CCDC150: variants seen among roughly 807,000 people sequenced by gnomAD.
CCDC150 encodes the protein coiled-coil domain-containing protein 150.
Under a neutral mutation model 156.5 loss-of-function variants are expected in CCDC150, and 151 were observed. That is an observed-to-expected ratio of 0.97 (90% CI 0.85 to 1.10). The LOEUF is 1.10. Among genes scored for constraint, CCDC150 ranks in the 50% least tolerant of loss-of-function variants. CCDC150 has a pLI of 0.00. For synonymous variants in CCDC150, 452 were observed against 429.4 expected (o/e 1.05, Z -0.65); for missense variants, 1,312 against 1,268.1 (o/e 1.03, Z -0.53).
chr2:196,696,372 C>T (rs755413741), intron 14 of CCDC150, among the ~76,000 whole-genome samples: 21 of 152,140 alleles, frequency 1.4e-4, no homozygotes, highest in South Asian at 4.1e-4. Flanking sequence ...TTCAGACCAA[C>T]CCTCTCTCTC....
At chr2:196,690,531 A>G (rs1201365411) in intron 13 of CCDC150, among the ~76,000 whole-genome samples, 1 of 152,098 alleles carries the variant, frequency 6.6e-6, no homozygotes, top group Non-Finnish European at 1.5e-5. Context: ...ATGGAAAGCT[A>G]AGACCTGTGC....
intron 1 of CCDC150, among the ~76,000 whole-genome samples, 178 bp from the exon 2 acceptor site, chr2:196,646,163 T>C (rs1416875686): frequency 1.3e-5 from 2 of 152,172 alleles, no homozygotes; most frequent in South Asian, 2.1e-4. Flanking sequence ...AAGAGAGAGA[T>C]GGTGAAGAAC....
At chr2:196,704,201 A>G (rs1696432583) in intron 15 of CCDC150, among the ~76,000 whole-genome samples, 6 of 152,252 alleles carry the variant, frequency 3.9e-5, no homozygotes, top group Admixed American at 3.9e-4. Context: ...AATGATATAA[A>G]TACTGGATTT....
intron 18 of CCDC150, among the ~76,000 whole-genome samples, chr2:196,718,899 C>T (rs1167921804): frequency 6.6e-6 from 1 of 151,980 alleles, no homozygotes; most frequent in African/African-American, 2.4e-5. Flanking sequence ...TTTTGAAACA[C>T]ATCTGATCTT....
chr2:196,647,141 A>G (rs1379494258), intron 2 of CCDC150, among the ~76,000 whole-genome samples: 2 of 152,112 alleles, frequency 1.3e-5, no homozygotes, highest in African/African-American at 2.4e-5. Context: ...TATAGTTGGT[A>G]TAATACCCAT....
chr2:196,710,528 A>G (rs1697036937), intron 15 of CCDC150, among the ~76,000 whole-genome samples: 1 of 152,160 alleles, frequency 6.6e-6, no homozygotes, highest in Non-Finnish European at 1.5e-5. Flanking sequence ...AACCAGTCCC[A>G]ATGAGATGAA....
chr2:196,721,384 G>T (rs1016600621), intron 20 of CCDC150, 138 bp from the exon 21 acceptor site: 1 of 245,994 alleles, frequency 4.1e-6, no homozygotes, highest in African/African-American at 7.0e-5. Context: ...CAGGCAGCTG[G>T]AATCTTTGCT....
rs111669886 is a variant in CCDC150, at chr2:196,699,184, A to G, written c.1624-1925A>G. ...TTTTGCTCAGGTTATTTTGAAACCA[A>G]TACTCTACTGGTCTAAATGCTTTTT... On this transcript the variant is annotated intron_variant, in intron 14 of 27. Transcript: ENST00000389175. 3.2e-4 allele frequency among the ~76,000 whole-genome samples: 49 copies of G among 152,340 alleles called. No homozygotes were observed. The South Asian group carries it at 3.3e-3, about 10-fold the overall frequency.
chr2:196,672,539 C>A, intron 9 of CCDC150, 102 bp downstream of exon 9: 2 of 530,816 alleles, frequency 3.8e-6, no homozygotes, highest in Non-Finnish European at 6.4e-6. Flanking sequence ...TTCATACCAT[C>A]TCCATCACCC....
chr2:196,699,014 G>A (rs1382304825), intron 14 of CCDC150, among the ~76,000 whole-genome samples: 2 of 152,164 alleles, frequency 1.3e-5, no homozygotes, highest in South Asian at 2.1e-4. Context: ...TACATTCATG[G>A]AATGATTTTG....
At chr2:196,718,722 A>G in intron 18 of CCDC150, 91 bp downstream of exon 18, 12 of 1,495,802 alleles carry the variant, frequency 8.0e-6, no homozygotes, top group East Asian at 2.3e-5. Flanking sequence ...TCTTGCTTCC[A>G]TTAGAATAAG....
At chr2:196,650,428 C>T (rs917927719) in intron 2 of CCDC150, among the ~76,000 whole-genome samples, 2 of 152,174 alleles carry the variant, frequency 1.3e-5, no homozygotes, top group Non-Finnish European at 2.9e-5. Flanking sequence ...GAGTCTTGCT[C>T]TGTCTCCCAG....
chr2:196,729,499 G>A (rs761789288), intron 23 of CCDC150, 112 bp downstream of exon 23: 7 of 1,008,092 alleles, frequency 6.9e-6, no homozygotes, highest in Non-Finnish European at 1.1e-5. Context: ...GTATTCTCTG[G>A]GAATTATAGC....
At chr2:196,678,486 C>G (rs115448802) in intron 13 of CCDC150, among the ~76,000 whole-genome samples, 155 of 152,332 alleles carry the variant, frequency 1.0e-3, no homozygotes, top group African/African-American at 3.6e-3. Context: ...TAAAAATCCT[C>G]AAATGAGGCT....
intron 15 of CCDC150, among the ~76,000 whole-genome samples, chr2:196,708,276 C>G (rs774195882): frequency 6.2e-4 from 94 of 152,216 alleles, no homozygotes; most frequent in Admixed American, 2.2e-3. Context: ...TTCTTTGTCT[C>G]TTTTGATCTT....
At chr2:196,731,681 G>A (rs1037976076) in intron 26 of CCDC150, among the ~76,000 whole-genome samples, 1 of 151,912 alleles carries the variant, frequency 6.6e-6, no homozygotes, top group African/African-American at 2.4e-5. Flanking sequence ...CACCACACCT[G>A]GCCCATGAAC....
At chr2:196,677,942 A>G (rs1002207990) in intron 13 of CCDC150, among the ~76,000 whole-genome samples, 2 of 152,038 alleles carry the variant, frequency 1.3e-5, no homozygotes, top group African/African-American at 4.8e-5. Context: ...GTGAGCAGAG[A>G]TTGCACCACT....
At chr2:196,647,528 C>T (rs1692619626) in intron 2 of CCDC150, among the ~76,000 whole-genome samples, 1 of 151,986 alleles carries the variant, frequency 6.6e-6, no homozygotes, top group South Asian at 2.1e-4. Flanking sequence ...CACACATTGG[C>T]CTCATCTTTA....
rs552461129 is a variant in CCDC150 at position 196,710,525 on chromosome 2, C to T, written c.1696-1620C>T. Among the ~76,000 whole-genome samples, 98 of 152,308 alleles carry T rather than the reference C, an allele frequency of 6.4e-4. 1 individual carries two copies. The highest frequency in any genetic ancestry group is 2.3e-3 in the African/African-American group (95 of 41,550). On this transcript the variant is annotated intron_variant, in intron 15 of 27. Coordinates refer to ENST00000389175, the MANE Select transcript of CCDC150 (RefSeq NM_001080539.2). ...GGGCTGCACCCACTGTCCAACCAGT[C>T]CCAATGAGATGAACCAGGTACCTCT... is the stretch of plus-strand genomic sequence containing the variant.
Sources: allele counts gnomAD v4.1 joint callset (sites outside exome capture counted in the v4.1 genomes callset), GRCh38; gene constraint gnomAD v4.1.1; transcripts MANE v1.5; gene names NCBI Gene and HGNC (gene_info 2026-07-23, HGNC 2026-07-21).